Variants in IL19 observed in about 807,000 individuals in gnomAD.
IL19 encodes the protein interleukin 19, also known as interleukin-19.
A neutral mutation model predicts 19.5 loss-of-function variants in IL19; 15 were observed. That is an observed-to-expected ratio of 0.77 (90% CI 0.52 to 1.19). The LOEUF (loss-of-function observed/expected upper bound fraction) is 1.19, where lower values mean the gene tolerates loss of function less well. Among genes scored for constraint, IL19 ranks in the 50% most tolerant of loss-of-function variants. IL19 has a pLI of 0.00. For missense variants in IL19, 199 were observed against 213.1 expected, an observed-to-expected ratio of 0.93 and a Z score of 0.41; for synonymous variants, 78 against 78.3, an observed-to-expected ratio of 1.00 and a Z score of 0.02.
intron 2 of IL19, among the ~76,000 whole-genome samples, chr1:206,819,720 A>T (rs1676247718): frequency 6.6e-6 from 1 of 152,166 alleles, no homozygotes. Context: ...GTTCTTTTGG[A>T]TAGCTTTTTC....
chr1:206,806,183 A>G (rs1675839583), intron 2 of IL19, among the ~76,000 whole-genome samples: 1 of 152,140 alleles, frequency 6.6e-6, no homozygotes, highest in Non-Finnish European at 1.5e-5. Flanking sequence ...CCTTAATTTC[A>G]CCGGCAGCAC....
chr1:206,784,667 G>A (rs1456967542), intron 1 of IL19, among the ~76,000 whole-genome samples: 1 of 152,216 alleles, frequency 6.6e-6, no homozygotes, highest in African/African-American at 2.4e-5. Context: ...TGGCCCCGGG[G>A]GCGGCGGGGG....
Position 206,787,144 on chromosome 1 carries a change from C to T in IL19, c.-148-11717C>T, listed in dbSNP as rs566526170. Among the ~76,000 whole-genome samples the T allele has an allele frequency of 7.2e-5, 11 of 152,322 alleles. No individual in the cohort carries two copies. The South Asian group carries it at 2.3e-3, about 32-fold the overall frequency. On this transcript the variant is annotated intron_variant, in intron 1 of 6. Coordinates refer to ENST00000659997, the MANE Select transcript of IL19 (RefSeq NM_153758.5). ...TGTCAGAATATGCCCTGTGCTCTCC[C>T]ACGTCCTTACTTCCACTCATGGCTT...
At chr1:206,829,942 C>A (rs1012807489) in intron 2 of IL19, among the ~76,000 whole-genome samples, 4 of 152,178 alleles carry the variant, frequency 2.6e-5, no homozygotes, top group African/African-American at 9.7e-5. Flanking sequence ...ATTTGTGCTT[C>A]CCTCCCCAGG....
At position 206,830,647 on chromosome 1, in the gene IL19, C is replaced by T. The variant is rs371026243; in HGVS notation, c.-2-6014C>T. On this transcript the variant is annotated intron_variant, in intron 2 of 6. Transcript: ENST00000659997. ...AGGCTGGAGTGCAGTGGTGCGGTCT[C>T]GGCTCACTGCAAGCTCTGCCTCCCG... Among the ~76,000 whole-genome samples the T allele has an allele frequency of 9.4e-3, 1,436 of 152,132 alleles. 19 individuals carry two copies. Among genetic ancestry groups the T allele is most frequent in the Middle Eastern group, 0.051 (15 of 294 alleles).
intron 2 of IL19, among the ~76,000 whole-genome samples, chr1:206,832,395 C>T (rs918759131): frequency 6.6e-6 from 1 of 152,222 alleles, no homozygotes; most frequent in African/African-American, 2.4e-5. Flanking sequence ...TTCATCCAGA[C>T]TCTGCAATAG....
At chr1:206,776,791 C>G (rs908214824) in intron 1 of IL19, among the ~76,000 whole-genome samples, 1 of 151,090 alleles carries the variant, frequency 6.6e-6, no homozygotes, top group African/African-American at 2.4e-5. Flanking sequence ...GAGAGCACAG[C>G]GGGAGGGACA....
intron 2 of IL19, among the ~76,000 whole-genome samples, chr1:206,801,650 C>T (rs1675711337): frequency 6.6e-6 from 1 of 152,240 alleles, no homozygotes; most frequent in South Asian, 2.1e-4. Flanking sequence ...CCAAGAGCTC[C>T]CTCTTCTGTG....
rs1308535175 is a variant in IL19 at position 206,837,028 on chromosome 1, T to C, written c.210+5T>C. On this transcript the variant is annotated splice_donor_5th_base_variant and intron_variant, in intron 4 of 6. Transcript: ENST00000659997. ...GAGACTCTGCAGATCATTAAGGTAT[T>C]GGCCTGTGTCTGCTTTTTCCAGTAT... The C allele has an allele frequency of 6.2e-7, 1 of 1,609,630 alleles. No homozygotes were observed. The highest frequency in any genetic ancestry group is 8.5e-7 in the Non-Finnish European group (1 of 1,176,240).
At chr1:206,785,009 C>T (rs1013396455) in intron 1 of IL19, among the ~76,000 whole-genome samples, 1 of 152,178 alleles carries the variant, frequency 6.6e-6, no homozygotes, top group Non-Finnish European at 1.5e-5. Context: ...CTGGTTCAGT[C>T]CCAGGAGTTG....
intron 1 of IL19, among the ~76,000 whole-genome samples, chr1:206,781,508 C>T (rs1196926465): frequency 2.0e-5 from 3 of 151,494 alleles, no homozygotes; most frequent in Non-Finnish European, 4.4e-5. Flanking sequence ...TCATCCTGCC[C>T]ATTCTGGTCC....
chr1:206,836,531 G>C (rs577553227), intron 2 of IL19, 130 bp from the exon 3 acceptor site: 1 of 799,590 alleles, frequency 1.3e-6, no homozygotes, highest in Non-Finnish European at 2.0e-6. Flanking sequence ...CAAGGCTGAA[G>C]TGTTTAGTGT....
intron 1 of IL19, among the ~76,000 whole-genome samples, chr1:206,797,629 TC>T (rs1023415590): frequency 1.4e-4 from 21 of 152,230 alleles, no homozygotes; most frequent in African/African-American, 4.3e-4. Flanking sequence ...ATTTTCCTGA[TC>T]TTTTTTCTCA....
chr1:206,834,244 A>G lies in IL19; in HGVS notation c.-2-2417A>G, dbSNP rs909155217. On this transcript the variant is annotated intron_variant, in intron 2 of 6. Transcript: ENST00000659997. Reference sequence around the variant, plus strand: ...AATTAAGGAAATACAATACTAAGAAAACAAGGGGAAAAAACAATCTCCCCA... The same window carrying G: ...AATTAAGGAAATACAATACTAAGAAGACAAGGGGAAAAAACAATCTCCCCA... 3.0e-6 allele frequency: 3 copies of G among 985,360 alleles called. No individual in the cohort carries two copies. In the African/African-American group the frequency reaches 5.2e-5, roughly 17 times the overall value. The allele number at this position is 985,360 out of a possible 1,614,324, so 61.0% of individuals were successfully genotyped here.
rs182892680 is a variant in IL19, at chr1:206,812,367, A to G, written c.-3+13361A>G. ...AACAAATGTCTCTACCAGGAAATAC[A>G]TCAATGTCCCATTGGTTTGGAAGAT... On this transcript the variant is annotated intron_variant, in intron 2 of 6. Transcript: ENST00000659997. Among the ~76,000 whole-genome samples the G allele has an allele frequency of 4.3e-4, 66 of 152,308 alleles. 2 individuals carry two copies. The highest frequency in any genetic ancestry group is 9.6e-5 in the African/African-American group (4 of 41,554).
chr1:206,824,768 A>T (rs1474317980), intron 2 of IL19, among the ~76,000 whole-genome samples: 3 of 152,180 alleles, frequency 2.0e-5, no homozygotes, highest in African/African-American at 7.2e-5. Flanking sequence ...AAAAGAAAAA[A>T]ATCTTTTTTT....
At chr1:206,794,988 T>G (rs1022989971) in intron 1 of IL19, among the ~76,000 whole-genome samples, 1 of 152,228 alleles carries the variant, frequency 6.6e-6, no homozygotes, top group Non-Finnish European at 1.5e-5. Context: ...GCTTTGTGCC[T>G]GGCAGATCAC....
Position 206,842,420 on chromosome 1 carries a change from A to C in IL19, c.439-107A>C, listed in dbSNP as rs1158280711. On this transcript the variant is annotated intron_variant, in intron 6 of 6. Transcript: ENST00000659997. ...TGCAAATATATTTCGTGACAAAAAA[A>C]CAAAAACAGAAACAAAACCTTGTGG... The C allele has an allele frequency of 4.3e-6, 3 of 689,770 alleles. No homozygotes were observed. In the African/African-American group the frequency reaches 5.4e-5, roughly 13 times the overall value. 42.7% of individuals were successfully genotyped at this position (689,770 alleles called of 1,614,324 possible).
chr1:206,783,214 A>G (rs904157693), intron 1 of IL19, among the ~76,000 whole-genome samples: 10 of 152,158 alleles, frequency 6.6e-5, no homozygotes, highest in African/African-American at 2.4e-4. Flanking sequence ...AAGGAGGGGA[A>G]AAAGAAACTC....
Sources: allele counts gnomAD v4.1 joint callset (sites outside exome capture counted in the v4.1 genomes callset), GRCh38; gene constraint gnomAD v4.1.1; transcripts MANE v1.5; gene names NCBI Gene and HGNC (gene_info 2026-07-23, HGNC 2026-07-21).